ARID1B: variants seen among roughly 807,000 people sequenced by gnomAD.
The protein encoded by ARID1B is AT-rich interactive domain-containing protein 1B.
Under a neutral mutation model 212.3 loss-of-function variants are expected in ARID1B, and 30 were observed. The ratio of observed to expected loss-of-function variants is 0.14; its 90% confidence interval spans 0.11 to 0.19. ARID1B has a LOEUF of 0.19. Ranked by LOEUF, ARID1B falls within the 10% of genes least tolerant of loss-of-function variation. The probability of loss-of-function intolerance (pLI) is 1.00; values close to 1 mark genes in which losing one functional copy is unlikely to be tolerated. For synonymous variants in ARID1B, 1,402 were observed against 1,301.7 expected (o/e 1.08, Z -1.66); for missense variants, 2,891 against 3,204.0 (o/e 0.90, Z 2.36).
intron 12 of ARID1B, among the ~76,000 whole-genome samples, chr6:157,182,474 A>G (rs1450505534): frequency 6.6e-6 from 1 of 152,182 alleles, no homozygotes; most frequent in Non-Finnish European, 1.5e-5. Flanking sequence ...TCTGTGCCCA[A>G]GGTAATCTAA....
chr6:156,992,623 C>T (rs1209919529), intron 4 of ARID1B, among the ~76,000 whole-genome samples: 1 of 152,190 alleles, frequency 6.6e-6, no homozygotes, highest in Non-Finnish European at 1.5e-5. Flanking sequence ...GTATTCAGAA[C>T]GGCCTCCCAT....
intron 1 of ARID1B, among the ~76,000 whole-genome samples, chr6:156,828,157 T>C (rs1782887921): frequency 6.7e-6 from 1 of 150,144 alleles, no homozygotes; most frequent in East Asian, 2.0e-4. Context: ...CTCGAACTCC[T>C]GGGGTCAAGT....
intron 1 of ARID1B, among the ~76,000 whole-genome samples, chr6:156,814,906 G>T (rs534863417): frequency 6.6e-6 from 1 of 151,670 alleles, no homozygotes; most frequent in East Asian, 1.9e-4. Flanking sequence ...CCTAATCTCC[G>T]TTAATTGTGA....
At chr6:157,104,294 C>T (rs1243975143) in intron 5 of ARID1B, among the ~76,000 whole-genome samples, 1 of 152,214 alleles carries the variant, frequency 6.6e-6, no homozygotes, top group Non-Finnish European at 1.5e-5. Flanking sequence ...TTTAGTTTCA[C>T]TTATGGACTA....
rs745528262 is a variant in ARID1B at position 157,084,730 on chromosome 6, A to C, written c.2316A>C (p.Ala772=). The part of the protein sequence containing the change: ...TEATLSSAVS[A]SGSTSSQGDQ... ...CAACTTTGAGCTCAGCAGTCAGTGC[A>C]TCCGGGTCCACGAGCAGCCAAGGGG... The change falls in exon 5 of 20, where the codon GCA becomes GCC. Residue 772 remains alanine, a synonymous_variant. Transcript: ENST00000636930. 1 of 1,614,164 alleles carries C rather than the reference A, an allele frequency of 6.2e-7. No homozygotes were observed. Among genetic ancestry groups the C allele is most frequent in the Non-Finnish European group, 8.5e-7 (1 of 1,180,026 alleles).
At chr6:157,205,962 C>A in intron 19 of ARID1B, 1 of 614,680 alleles carries the variant, frequency 1.6e-6, no homozygotes, top group Admixed American at 2.7e-5. Context: ...TGCTAAACAT[C>A]GGTTTAGTTT....
intron 4 of ARID1B, among the ~76,000 whole-genome samples, chr6:157,037,141 C>A (rs1312231567): frequency 6.6e-6 from 1 of 152,174 alleles, no homozygotes; most frequent in African/African-American, 2.4e-5. Context: ...AATTTCAATT[C>A]GGCATAGCAC....
chr6:156,872,855 T>C (rs1786254333), intron 2 of ARID1B, among the ~76,000 whole-genome samples: 1 of 152,164 alleles, frequency 6.6e-6, no homozygotes, highest in South Asian at 2.1e-4. Flanking sequence ...ACATAGGTTG[T>C]TTCTTGGTGC....
chr6:157,049,697 T>G (rs997806298), intron 4 of ARID1B, among the ~76,000 whole-genome samples: 1 of 152,226 alleles, frequency 6.6e-6, no homozygotes, highest in Non-Finnish European at 1.5e-5. Flanking sequence ...ATAATGAGAA[T>G]TGGATATAGG....
chr6:157,116,049 CTTATTTCTTAATCT>C (rs978759515), intron 6 of ARID1B, among the ~76,000 whole-genome samples: 2 of 152,094 alleles, frequency 1.3e-5, no homozygotes, highest in African/African-American at 2.4e-5. Context: ...TTGTTTTATC[CTTATTTCTTAATCT>C]TTATATGTCT....
Position 157,004,891 on chromosome 6 carries a change from T to TTTTTTG in ARID1B, c.2247+69320_2247+69321insGTTTTT, listed in dbSNP as rs1562542153. 2.4e-3 allele frequency among the ~76,000 whole-genome samples: 96 copies of TTTTTTG among 40,416 alleles called. 16 individuals are homozygous for TTTTTTG. The highest frequency in any genetic ancestry group is 7.9e-3 in the African/African-American group (48 of 6,076). The allele number at this position is 40,416 out of a possible 152,430, so 26.5% of individuals were successfully genotyped here. On this transcript the variant is annotated intron_variant, in intron 4 of 19. Coordinates refer to ENST00000636930, the MANE Select transcript of ARID1B (RefSeq NM_001374828.1). ...CATTTCTTTTTTCTTTTTCTTCTTC[T>TTTTTTG]TTTTTCTTTTTTTTTTTTTTTTTTT...
In ARID1B at chr6:157,208,004, C is replaced by A. The variant is rs1352995725; in HGVS notation, c.*113C>A. ...AAGAAGGAAAAGAAAATCTTTGCTCCTCTGCCCCATTCACTATTTACCAAT... is the reference window on the plus strand; with the variant it reads ...AAGAAGGAAAAGAAAATCTTTGCTCATCTGCCCCATTCACTATTTACCAAT... On this transcript the variant is annotated 3_prime_UTR_variant, in exon 20 of 20. Coordinates refer to ENST00000636930, the MANE Select transcript of ARID1B (RefSeq NM_001374828.1). 3.5e-6 allele frequency: 4 copies of A among 1,157,876 alleles called. No individual in the cohort carries two copies. Among genetic ancestry groups the A allele is most frequent in the Non-Finnish European group, 2.3e-6 (2 of 875,910 alleles). 71.7% of individuals were successfully genotyped at this position (1,157,876 alleles called of 1,614,324 possible).
At chr6:157,080,139 C>T (rs1784553904) in intron 4 of ARID1B, among the ~76,000 whole-genome samples, 1 of 152,146 alleles carries the variant, frequency 6.6e-6, no homozygotes, top group Non-Finnish European at 1.5e-5. Context: ...CACTTCTGAG[C>T]AAGAGATGCC....
intron 2 of ARID1B, among the ~76,000 whole-genome samples, chr6:156,895,330 G>A (rs1788295007): frequency 6.6e-6 from 1 of 152,208 alleles, no homozygotes; most frequent in African/African-American, 2.4e-5. Context: ...CTTGGGAGGA[G>A]ATCATAATGA....
chr6:156,988,831 A>G (rs951224409), intron 4 of ARID1B, among the ~76,000 whole-genome samples: 4 of 152,176 alleles, frequency 2.6e-5, no homozygotes, highest in Non-Finnish European at 5.9e-5. Context: ...TGTTATCTCA[A>G]CTGACCAGTT....
chr6:156,824,490 C>T (rs188961606), intron 1 of ARID1B, among the ~76,000 whole-genome samples: 53 of 152,314 alleles, frequency 3.5e-4, no homozygotes, highest in Admixed American at 1.7e-3. Flanking sequence ...ATTGGCCAGG[C>T]GCAGCGGCTC....
chr6:156,930,913 A>C (rs935380451), intron 3 of ARID1B, among the ~76,000 whole-genome samples: 1 of 152,202 alleles, frequency 6.6e-6, no homozygotes, highest in African/African-American at 2.4e-5. Flanking sequence ...AAGCTAGGCC[A>C]GGCAGAGTGG....
chr6:156,884,787 A>C (rs1787377345), intron 2 of ARID1B, among the ~76,000 whole-genome samples: 1 of 152,228 alleles, frequency 6.6e-6, no homozygotes, highest in Admixed American at 6.5e-5. Context: ...AGTAAGAAAT[A>C]GCTGTAGGTT....
At chr6:157,005,006 G>A (rs1333017749) in intron 4 of ARID1B, among the ~76,000 whole-genome samples, 3 of 131,864 alleles carry the variant, frequency 2.3e-5, no homozygotes, top group African/African-American at 8.3e-5. Flanking sequence ...TCCACCTCCC[G>A]GATTCAAGAG....
Sources: allele counts gnomAD v4.1 joint callset (sites outside exome capture counted in the v4.1 genomes callset), GRCh38; gene constraint gnomAD v4.1.1; transcripts MANE v1.5; gene names NCBI Gene and HGNC (gene_info 2026-07-23, HGNC 2026-07-21).